Variants in C9orf57 observed in about 807,000 individuals in gnomAD.
C9orf57 encodes chromosome 9 open reading frame 57, also known as uncharacterized protein C9orf57.
Under a neutral mutation model 12.9 loss-of-function variants are expected in C9orf57, and 12 were observed. That is an observed-to-expected ratio of 0.93 (90% CI 0.60 to 1.51). The LOEUF (loss-of-function observed/expected upper bound fraction) is 1.51, where lower values mean the gene tolerates loss of function less well. Among genes scored for constraint, C9orf57 ranks in the 40% most tolerant of loss-of-function variants. The probability of loss-of-function intolerance (pLI) is 0.00; values close to 1 mark genes in which losing one functional copy is unlikely to be tolerated. For missense variants in C9orf57, 141 were observed against 162.8 expected (o/e 0.87, Z 0.73); for synonymous variants, 49 against 57.1 (o/e 0.86, Z 0.64).
intron 4 of C9orf57, 26 bp downstream of exon 4, chr9:72,056,048 A>G: frequency 6.5e-7 from 1 of 1,536,386 alleles, no homozygotes. Flanking sequence ...TATTTTAATT[A>G]AAATTTTTAA....
chr9:72,055,938 C>T (rs1824190233), intron 4 of C9orf57, 136 bp downstream of exon 4: 1 of 875,544 alleles, frequency 1.1e-6, no homozygotes, highest in African/African-American at 1.7e-5. Context: ...ATCCATCCAG[C>T]TCTTTTCATT....
chr9:72,060,318 TACA>T (rs1824306963), intron 1 of C9orf57, among the ~76,000 whole-genome samples, 176 bp downstream of exon 1: 2 of 152,222 alleles, frequency 1.3e-5, no homozygotes, highest in Admixed American at 1.3e-4. Context: ...GTGCTGGGAT[TACA>T]GGCGTGAGCC....
At chr9:72,054,271 T>G (rs927025675) in intron 4 of C9orf57, among the ~76,000 whole-genome samples, 14 of 152,272 alleles carry the variant, frequency 9.2e-5, no homozygotes, top group Non-Finnish European at 1.6e-4. Context: ...GTGCTGGGAT[T>G]ATAGGCGTGA....
At chr9:72,055,612 T>G (rs536726990) in intron 4 of C9orf57, among the ~76,000 whole-genome samples, 1 of 152,104 alleles carries the variant, frequency 6.6e-6, no homozygotes, top group South Asian at 2.1e-4. Context: ...CTTTCAAACT[T>G]AAAATGTTTC....
intron 1 of C9orf57, 109 bp downstream of exon 1, chr9:72,060,388 T>G: frequency 1.5e-6 from 1 of 668,900 alleles, no homozygotes; most frequent in South Asian, 1.7e-5. Context: ...ACCTTATTTA[T>G]GAGGGAAAAG....
intron 4 of C9orf57, among the ~76,000 whole-genome samples, chr9:72,055,378 T>C (rs11143088): frequency 0.091 from 2,906 of 31,996 alleles, 197 homozygotes; most frequent in African/African-American, 0.18. Flanking sequence ...CCCTCCCTCC[T>C]TCCTTCCTTC....
chr9:72,053,136 GT>G (rs1824114997), intron 4 of C9orf57, among the ~76,000 whole-genome samples: 1 of 152,108 alleles, frequency 6.6e-6, no homozygotes, highest in Non-Finnish European at 1.5e-5. Flanking sequence ...CATTGTTATT[GT>G]CAGAACTGGT....
Position 72,056,121 on chromosome 9 carries a change from C to A in C9orf57, c.233G>T (p.Cys78Phe). ...ACAGTACTGACCAGGTTCTGCCTGGCAGGTTCCCAGGTCTAAAAGACATCC... is the reference window on the plus strand; with the variant it reads ...ACAGTACTGACCAGGTTCTGCCTGGAAGGTTCCCAGGTCTAAAAGACATCC... ...FHGCLLDLGTCQAEPGQYCKE... is the reference protein window; with the variant it reads ...FHGCLLDLGTFQAEPGQYCKE... Residue 78 changes from cysteine (C) to phenylalanine (F), a missense_variant, in exon 4 of 5, where the codon TGC (cysteine) becomes TTC (phenylalanine). Physicochemically the swap from Cys to Phe is radical, Grantham distance 205 (BLOSUM62 -2). Transcript: ENST00000651200. The A allele has an allele frequency of 6.4e-7, 1 of 1,551,098 alleles. No homozygotes were observed.
rs1324690227 is a variant in C9orf57 at position 72,053,278 on chromosome 9, T to C, written c.281-843A>G. On this transcript the variant is annotated intron_variant, in intron 4 of 4. Coordinates refer to ENST00000651200, the MANE Select transcript of C9orf57 (RefSeq NM_001128618.2). Reference sequence around the variant, plus strand: ...ATTCACCTGCCCAAAATGTCAATAGTGCAAAAGTTGAGAAACCCTATTGAT... The same window carrying C: ...ATTCACCTGCCCAAAATGTCAATAGCGCAAAAGTTGAGAAACCCTATTGAT... Among the ~76,000 whole-genome samples the C allele has an allele frequency of 2.6e-5, 4 of 152,150 alleles. No individual in the cohort carries two copies. The East Asian group carries it at 7.7e-4, about 29-fold the overall frequency.
chr9:72,059,303 A>AT lies in C9orf57; in HGVS notation c.28dup (p.Ile10AsnfsTer24), dbSNP rs1824277315. The AT allele has an allele frequency of 6.4e-7, 1 of 1,551,686 alleles. No individual in the cohort carries two copies. The highest frequency in any genetic ancestry group is 1.4e-5 in the African/African-American group (1 of 73,070). On this transcript the variant is annotated frameshift_variant, in exon 2 of 5. Transcript: ENST00000651200. LOFTEE classifies it high-confidence loss of function. ...GATAACACCTAAGAGGCGGAATAAGATAACACCAGCAAAAACAATCCTTCT... is the reference window on the plus strand; with the variant it reads ...GATAACACCTAAGAGGCGGAATAAGATTAACACCAGCAAAAACAATCCTTCT...
In C9orf57 at chr9:72,052,061, GGAGGA is replaced by G; in HGVS notation, c.*230_*234del. The G allele has an allele frequency of 2.3e-6, 1 of 439,684 alleles. No individual in the cohort carries two copies. The allele number at this position is 439,684 out of a possible 1,614,324, so 27.2% of individuals were successfully genotyped here. ...TGGTAGGAAGGTAAATTAAGCAGAAGGAGGAGAGGAGAGAAATGGTGTTGAAAGGG... is the reference window on the plus strand; with the variant it reads ...TGGTAGGAAGGTAAATTAAGCAGAAGGAGGAGAGAAATGGTGTTGAAAGGG... On this transcript the variant is annotated 3_prime_UTR_variant, in exon 5 of 5. Transcript: ENST00000651200.
Position 72,056,267 on chromosome 9 carries a change from G to A in C9orf57, c.158-71C>T. On this transcript the variant is annotated intron_variant, in intron 3 of 4. Transcript: ENST00000651200. The stretch of plus-strand genomic sequence containing the variant: ...AGAGAGAAAACGAGGAAGGAAGAGA[G>A]ATCAAAAAAATAAAGTAGTGATTTT... 8 of 1,286,032 alleles carry A rather than the reference G, an allele frequency of 6.2e-6. No homozygotes were observed. The Admixed American group carries it at 1.1e-4, about 18-fold the overall frequency. The allele number at this position is 1,286,032 out of a possible 1,614,324, so 79.7% of individuals were successfully genotyped here.
Position 72,051,902 on chromosome 9 carries a change from C to T in C9orf57, c.*394G>A. On this transcript the variant is annotated 3_prime_UTR_variant, in exon 5 of 5. Transcript: ENST00000651200. ...GGAAACCAAATGAATATTCTCAGGT[C>T]ACTTGCTGTCTTGTGAAACATTTGT... The T allele has an allele frequency of 5.6e-6, 1 of 179,634 alleles. No homozygotes were observed. The allele number at this position is 179,634 out of a possible 1,614,324, so 11.1% of individuals were successfully genotyped here.
intron 1 of C9orf57, among the ~76,000 whole-genome samples, chr9:72,059,767 G>T (rs1824291203): frequency 6.6e-6 from 1 of 152,174 alleles, no homozygotes; most frequent in East Asian, 1.9e-4. Context: ...GTTGCAGTGA[G>T]CTGAGATCAG....
rs1052478516 is a variant in C9orf57, at chr9:72,056,210, G to T, written c.158-14C>A. On this transcript the variant is annotated splice_polypyrimidine_tract_variant and intron_variant, in intron 3 of 4. Coordinates refer to ENST00000651200, the MANE Select transcript of C9orf57 (RefSeq NM_001128618.2). ...AACCTCCAACATCTCCAAGTACAGG[G>T]GCAGAAAAATGAGAAAGTAGTGATA... The T allele has an allele frequency of 6.5e-7, 1 of 1,541,186 alleles. No homozygotes were observed. The highest frequency in any genetic ancestry group is 1.4e-5 in the African/African-American group (1 of 72,696).
chr9:72,053,679 C>A (rs1490510781), intron 4 of C9orf57, among the ~76,000 whole-genome samples: 1 of 152,158 alleles, frequency 6.6e-6, no homozygotes, highest in Admixed American at 6.5e-5. Context: ...ACCCAAGTAA[C>A]CCTCTTAATA....
At chr9:72,057,237 T>C (rs1398680488) in intron 2 of C9orf57, among the ~76,000 whole-genome samples, 2 of 151,214 alleles carry the variant, frequency 1.3e-5, no homozygotes, top group Non-Finnish European at 2.9e-5. Flanking sequence ...AAATTATTAT[T>C]TTTTTTTGAG....
At chr9:72,053,676 T>A (rs1824127807) in intron 4 of C9orf57, among the ~76,000 whole-genome samples, 1 of 152,170 alleles carries the variant, frequency 6.6e-6, no homozygotes, top group African/African-American at 2.4e-5. Context: ...AGAACCCAAG[T>A]AACCCTCTTA....
chr9:72,057,111 C>A (rs555713275), intron 2 of C9orf57, among the ~76,000 whole-genome samples: 1 of 152,056 alleles, frequency 6.6e-6, no homozygotes, highest in South Asian at 2.1e-4. Context: ...GATGGGGTTT[C>A]GCTATGTTGC....
Sources: allele counts gnomAD v4.1 joint callset (sites outside exome capture counted in the v4.1 genomes callset), GRCh38; gene constraint gnomAD v4.1.1; transcripts MANE v1.5; gene names NCBI Gene and HGNC (gene_info 2026-07-23, HGNC 2026-07-21).